NIBAN2: variants seen among roughly 807,000 people sequenced by gnomAD.
The protein encoded by NIBAN2 is niban apoptosis regulator 2.
In NIBAN2, 36 loss-of-function variants were observed where a neutral mutation model predicts 81.8. That is an observed-to-expected ratio of 0.44 (90% CI 0.34 to 0.58). The LOEUF (loss-of-function observed/expected upper bound fraction) is 0.58. Ranked by LOEUF, NIBAN2 falls within the 20% of genes least tolerant of loss-of-function variation. NIBAN2 has a pLI of 0.02. For synonymous variants in NIBAN2, 445 were observed against 441.6 expected, an observed-to-expected ratio of 1.01 and a Z score of -0.10; for missense variants, 897 against 1,014.1, an observed-to-expected ratio of 0.88 and a Z score of 1.57.
chr9:127,508,349 G>A lies in NIBAN2; in HGVS notation c.1434+73C>T, dbSNP rs921158891. The A allele has an allele frequency of 5.7e-5, 81 of 1,411,352 alleles. No homozygotes were observed. Among genetic ancestry groups the A allele is most frequent in the Middle Eastern group, 4.8e-4 (2 of 4,204 alleles). The allele number at this position is 1,411,352 out of a possible 1,614,324, so 87.4% of individuals were successfully genotyped here. A position where few individuals can be genotyped will look rare whatever the true frequency, so the allele number is the denominator to read the frequency against. On this transcript the variant is annotated intron_variant, in intron 11 of 13. Transcript: ENST00000373312. The surrounding 1 kb of genome is among the most constrained non-coding windows in gnomAD (Gnocchi z 6.4). ...CCTCCTTGCAGGGACAGCAATCCTG[G>A]TGGTGGCCGGGGATGAGGCTCGGGG...
intron 1 of NIBAN2, among the ~76,000 whole-genome samples, chr9:127,558,900 A>C (rs1054704569): frequency 6.6e-6 from 1 of 151,848 alleles, no homozygotes; most frequent in Middle Eastern, 3.4e-3. Context: ...TGCGCAGTGC[A>C]CCTCCCAGAA....
In NIBAN2 at chr9:127,508,166, C is replaced by T. The variant is rs1003409103; in HGVS notation, c.1469G>A (p.Arg490Lys). 2 of 1,613,498 alleles carry T rather than the reference C, an allele frequency of 1.2e-6. No homozygotes were observed. Among genetic ancestry groups the T allele is most frequent in the African/African-American group, 1.3e-5 (1 of 74,906 alleles). Residue 490 changes from arginine (R) to lysine (K), a missense_variant, in exon 12 of 14, where the codon AGG becomes AAG. Arg to Lys is a conservative substitution (Grantham distance 26). Coordinates refer to ENST00000373312, the MANE Select transcript of NIBAN2 (RefSeq NM_022833.4). The surrounding 1 kb of genome is among the most constrained non-coding windows in gnomAD (Gnocchi z 6.4). ...YDYDSSSVRK[R>K]FFREALLQIS... ...CTGCAGCAGCGCCTCCCGGAAGAACCTCTTCCGCACAGAGCTGCTGTCGTA... is the reference window on the plus strand; with the variant it reads ...CTGCAGCAGCGCCTCCCGGAAGAACTTCTTCCGCACAGAGCTGCTGTCGTA...
Position 127,531,792 on chromosome 9 carries a change from A to C in NIBAN2, c.56-14T>G, listed in dbSNP as rs1564306122. The stretch of plus-strand genomic sequence containing the variant: ...TCCCGGTTTTTTCTGGAAGAGAAGG[A>C]CAAGCAGGAGCTTGAGGTCCTCAGG... On this transcript the variant is annotated splice_polypyrimidine_tract_variant and intron_variant, in intron 1 of 13. Coordinates refer to ENST00000373312, the MANE Select transcript of NIBAN2 (RefSeq NM_022833.4). The C allele has an allele frequency of 6.2e-7, 1 of 1,614,088 alleles. No homozygotes were observed. The highest frequency in any genetic ancestry group is 1.7e-5 in the Admixed American group (1 of 60,022).
At chr9:127,550,423 T>C (rs1837555634) in intron 1 of NIBAN2, among the ~76,000 whole-genome samples, 1 of 152,224 alleles carries the variant, frequency 6.6e-6, no homozygotes, top group African/African-American at 2.4e-5. Context: ...CCCCTGTTAG[T>C]CATTAGCACA....
intron 1 of NIBAN2, among the ~76,000 whole-genome samples, chr9:127,554,749 C>T (rs963538640): frequency 6.6e-6 from 1 of 151,016 alleles, no homozygotes; most frequent in African/African-American, 2.4e-5. Context: ...TTAGTAGAGA[C>T]GGGGGGTGGG....
intron 1 of NIBAN2, among the ~76,000 whole-genome samples, chr9:127,535,513 G>T (rs911818304): frequency 1.3e-5 from 2 of 152,116 alleles, no homozygotes; most frequent in African/African-American, 4.8e-5. Context: ...GGGAGTGCAG[G>T]GACCCCGCTG....
rs763604934 is a variant in NIBAN2, at chr9:127,510,259, G to A, written c.1048C>T (p.Leu350=). The part of the protein sequence containing the change: ...QPYIPSILEA[L]MVPTSQGFTE... ...AAGCCCTGGCTGGTGGGGACCATCA[G>A]GGCCTCCAGGATGGATGGGATGTAG... Residue 350 remains leucine, a synonymous_variant, in exon 9 of 14, where the codon CTG becomes TTG. Transcript: ENST00000373312. 3.7e-6 allele frequency: 6 copies of A among 1,614,096 alleles called. 1 individual carries two copies. In the South Asian group the frequency reaches 5.5e-5, roughly 15 times the overall value.
intron 8 of NIBAN2, among the ~76,000 whole-genome samples, chr9:127,512,488 T>C (rs1588152795): frequency 1.3e-5 from 2 of 152,162 alleles, no homozygotes; most frequent in Non-Finnish European, 1.5e-5. Context: ...GGTTTCACCA[T>C]GTTGGCCAGG....
chr9:127,575,141 TCCCCTC>T (rs1837993014), intron 1 of NIBAN2, among the ~76,000 whole-genome samples: 1 of 150,806 alleles, frequency 6.6e-6, no homozygotes, highest in Non-Finnish European at 1.5e-5. Flanking sequence ...TCCCCCCACT[TCCCCTC>T]CCCATTCTCT....
intron 1 of NIBAN2, among the ~76,000 whole-genome samples, chr9:127,576,650 C>T (rs555518935): frequency 4.6e-5 from 7 of 150,730 alleles, no homozygotes; most frequent in East Asian, 4.0e-4. Flanking sequence ...CAGTGGCTCA[C>T]GCCTGTAATC....
In NIBAN2 at chr9:127,508,887, G is replaced by T; in HGVS notation, c.1317+89C>A. On this transcript the variant is annotated intron_variant, in intron 10 of 13. Transcript: ENST00000373312. The surrounding 1 kb of genome is among the most constrained non-coding windows in gnomAD (Gnocchi z 6.4). ...CAGGCAAGCGTGGCTATGGCATGAC[G>T]GGACGGAGCAGAAGGGACCCCCTGG... 1 of 1,451,348 alleles carries T rather than the reference G, an allele frequency of 6.9e-7. No homozygotes were observed. Among genetic ancestry groups the T allele is most frequent in the Non-Finnish European group, 9.6e-7 (1 of 1,040,702 alleles). The allele number at this position is 1,451,348 out of a possible 1,614,324, so 89.9% of individuals were successfully genotyped here. A position where few individuals can be genotyped will look rare whatever the true frequency, so the allele number is the denominator to read the frequency against.
chr9:127,539,299 C>G (rs574248047), intron 1 of NIBAN2, among the ~76,000 whole-genome samples: 34 of 152,250 alleles, frequency 2.2e-4, no homozygotes, highest in Non-Finnish European at 4.3e-4. Context: ...TGACCCCTCA[C>G]GAGGACCCGC....
chr9:127,535,740 G>A (rs1311872411), intron 1 of NIBAN2, among the ~76,000 whole-genome samples: 1 of 152,074 alleles, frequency 6.6e-6, no homozygotes, highest in Non-Finnish European at 1.5e-5. Context: ...AAATGGGTCA[G>A]GTAGGGAGGG....
At position 127,506,469 on chromosome 9, in the gene NIBAN2, T is replaced by G. The variant is rs1319948937; in HGVS notation, c.*376A>C. On this transcript the variant is annotated 3_prime_UTR_variant, in exon 14 of 14. Coordinates refer to ENST00000373312, the MANE Select transcript of NIBAN2 (RefSeq NM_022833.4). ...CCTGGGTGAGTGGGCGGGAACCCAC[T>G]GGGCTCACACCAGCTTTCACCTCCC... is the stretch of plus-strand genomic sequence containing the variant. The G allele has an allele frequency of 1.1e-5, 2 of 178,370 alleles. No individual in the cohort carries two copies. Among genetic ancestry groups the G allele is most frequent in the Non-Finnish European group, 2.3e-5 (2 of 85,708 alleles). 11.0% of individuals were successfully genotyped at this position (178,370 alleles called of 1,614,324 possible).
rs60740827 is a variant in NIBAN2 at position 127,515,520 on chromosome 9, C to CA, written c.973+1336dup. On this transcript the variant is annotated intron_variant, in intron 8 of 13. Coordinates refer to ENST00000373312, the MANE Select transcript of NIBAN2 (RefSeq NM_022833.4). ...TGGGCGACAGAGCGAGACTCCGTCT[C>CA]AAAAAAAAAAAAAAAAAAACAAACA... Among the ~76,000 whole-genome samples, 730 of 90,402 alleles carry CA rather than the reference C, an allele frequency of 8.1e-3. 27 individuals carry two copies. In the East Asian group the frequency reaches 0.14, roughly 18 times the overall value. The allele number at this position is 90,402 out of a possible 152,430, so 59.3% of individuals were successfully genotyped here.
At chr9:127,552,683 CG>C (rs1328869620) in intron 1 of NIBAN2, among the ~76,000 whole-genome samples, 2 of 112,910 alleles carry the variant, frequency 1.8e-5, no homozygotes, top group Non-Finnish European at 1.8e-5. Context: ...ATGGAATATT[CG>C]TTTTTTTTTT....
At chr9:127,518,330 C>T (rs749888833) in intron 5 of NIBAN2, among the ~76,000 whole-genome samples, 5 of 152,168 alleles carry the variant, frequency 3.3e-5, no homozygotes, top group Non-Finnish European at 7.3e-5. Flanking sequence ...TAAAAGCTCC[C>T]GTCCCATAAG....
Position 127,508,918 on chromosome 9 carries a change from G to A in NIBAN2, c.1317+58C>T. On this transcript the variant is annotated intron_variant, in intron 10 of 13. Transcript: ENST00000373312. This position sits in a 1 kb window ranked among gnomAD's most constrained non-coding sequence, Gnocchi z 6.4. ...GAGCAGAAGGGACCCCCTGGGCGAG[G>A]GGGCCTGTGGAAGGCAGTGGACAGG... is the stretch of plus-strand genomic sequence containing the variant. 1 of 1,594,360 alleles carries A rather than the reference G, an allele frequency of 6.3e-7. No homozygotes were observed. The highest frequency in any genetic ancestry group is 8.6e-7 in the Non-Finnish European group (1 of 1,164,434).
At chr9:127,554,706 G>A (rs1588183100) in intron 1 of NIBAN2, among the ~76,000 whole-genome samples, 1 of 151,976 alleles carries the variant, frequency 6.6e-6, no homozygotes, top group African/African-American at 2.4e-5. Context: ...GACCACAGGT[G>A]TGCAACCCCA....
Sources: allele counts gnomAD v4.1 joint callset (sites outside exome capture counted in the v4.1 genomes callset), GRCh38; gene constraint gnomAD v4.1.1; non-coding constraint Gnocchi (gnomAD v3.1); transcripts MANE v1.5; gene names NCBI Gene and HGNC (gene_info 2026-07-23, HGNC 2026-07-21).